The following DNAH14 variants were observed in gnomAD, a reference collection of about 807,000 sequenced individuals.
DNAH14 encodes the protein dynein axonemal heavy chain 14, also known as axonemal beta dynein heavy chain 14.
DNAH14 carries 478 observed loss-of-function variants against 520.9 expected under a neutral mutation model. That is an observed-to-expected ratio of 0.92 (90% CI 0.85 to 0.99). DNAH14 has a LOEUF of 0.99. Ranked by LOEUF, DNAH14 falls within the 50% of genes least tolerant of loss-of-function variation. The pLI is 0.00. For missense variants in DNAH14, 4,831 were observed against 5,234.5 expected (o/e 0.92, Z 2.38); for synonymous variants, 1,581 against 1,757.2 (o/e 0.90, Z 2.51).
chr1:225,193,873 C>G (rs1322417023), intron 38 of DNAH14, among the ~76,000 whole-genome samples: 1 of 152,032 alleles, frequency 6.6e-6, no homozygotes, highest in Non-Finnish European at 1.5e-5. Context: ...AATCAAGGCA[C>G]AAAAATTAGT....
intron 11 of DNAH14, among the ~76,000 whole-genome samples, chr1:225,034,427 T>C (rs917573003): frequency 3.3e-5 from 5 of 152,060 alleles, no homozygotes; most frequent in African/African-American, 1.2e-4. Flanking sequence ...TCATAGTGGA[T>C]TATTTTTTGA....
At chr1:225,312,537 A>G (rs991951785) in intron 60 of DNAH14, among the ~76,000 whole-genome samples, 3 of 152,158 alleles carry the variant, frequency 2.0e-5, no homozygotes, top group Non-Finnish European at 2.9e-5. Flanking sequence ...TTCAAAGGGA[A>G]TGCTTCCAGC....
chr1:224,936,201 A>G (rs2059024192), intron 1 of DNAH14, among the ~76,000 whole-genome samples: 1 of 151,848 alleles, frequency 6.6e-6, no homozygotes, highest in Admixed American at 6.6e-5. Flanking sequence ...AGTAGAAGAA[A>G]AGAAATAATA....
At chr1:225,357,556 T>C (rs1431608654) in intron 73 of DNAH14, among the ~76,000 whole-genome samples, 2 of 152,210 alleles carry the variant, frequency 1.3e-5, no homozygotes, top group African/African-American at 4.8e-5. Flanking sequence ...AACTCTGCTA[T>C]TAGACCTAGA....
At chr1:225,305,748 G>C (rs557371479) in intron 58 of DNAH14, among the ~76,000 whole-genome samples, 20 of 152,284 alleles carry the variant, frequency 1.3e-4, no homozygotes, top group Non-Finnish European at 2.5e-4. Flanking sequence ...GGGCTGCCGA[G>C]GCACCATGGT....
intron 21 of DNAH14, among the ~76,000 whole-genome samples, chr1:225,095,775 C>G (rs944722046): frequency 3.9e-5 from 6 of 152,020 alleles, no homozygotes; most frequent in African/African-American, 1.4e-4. Flanking sequence ...ATATAAAATT[C>G]TGGAAAATAC....
chr1:225,215,709 G>C (rs764979890), intron 41 of DNAH14, among the ~76,000 whole-genome samples: 5 of 152,056 alleles, frequency 3.3e-5, no homozygotes, highest in Admixed American at 6.5e-5. Context: ...TAGAGACTAG[G>C]ATTGCAACCC....
At chr1:225,210,982 A>C (rs963107635) in intron 41 of DNAH14, among the ~76,000 whole-genome samples, 6 of 151,732 alleles carry the variant, frequency 4.0e-5, no homozygotes, top group African/African-American at 9.7e-5. Context: ...AAGTCCACAC[A>C]GAAGCCTCAT....
Position 225,143,691 on chromosome 1 carries a change from T to G in DNAH14, c.4509-706T>G, listed in dbSNP as rs186663018. On this transcript the variant is annotated intron_variant, in intron 28 of 85. Coordinates refer to ENST00000682510, the MANE Select transcript of DNAH14 (RefSeq NM_001367479.1). ...CTAAACAATTAAAAATGTGTAGGAATGAGTTTTTGCTTGACAATGTTTTAA... is the reference window on the plus strand; with the variant it reads ...CTAAACAATTAAAAATGTGTAGGAAGGAGTTTTTGCTTGACAATGTTTTAA... Among the ~76,000 whole-genome samples the G allele has an allele frequency of 9.9e-5, 15 of 152,254 alleles. No individual in the cohort carries two copies. The East Asian group carries it at 2.9e-3, about 29-fold the overall frequency.
chr1:225,366,341 A>G (rs967001712), intron 76 of DNAH14, among the ~76,000 whole-genome samples: 1 of 152,232 alleles, frequency 6.6e-6, no homozygotes, highest in Admixed American at 6.5e-5. Flanking sequence ...CAAATAAATT[A>G]TGATGTATTT....
At chr1:225,098,972 A>G (rs1413116699) in intron 22 of DNAH14, among the ~76,000 whole-genome samples, 1 of 152,190 alleles carries the variant, frequency 6.6e-6, no homozygotes, top group African/African-American at 2.4e-5. Flanking sequence ...CCCTGATACC[A>G]GGGAGAAAGC....
At chr1:224,954,899 A>G in intron 2 of DNAH14, 60 bp from the exon 3 acceptor site, 5 of 1,355,062 alleles carry the variant, frequency 3.7e-6, no homozygotes, top group East Asian at 2.3e-5. Context: ...CTAATAGCTC[A>G]GTATTTTATT....
At chr1:225,240,534 A>G (rs924140704) in intron 42 of DNAH14, 59 bp from the exon 43 acceptor site, 23 of 1,036,896 alleles carry the variant, frequency 2.2e-5, no homozygotes, top group Non-Finnish European at 3.1e-5. Flanking sequence ...GTAAATTTCT[A>G]TTCTTAAACT....
At chr1:225,384,189 G>A (rs2095813075) in intron 81 of DNAH14, among the ~76,000 whole-genome samples, 1 of 152,174 alleles carries the variant, frequency 6.6e-6, no homozygotes, top group Non-Finnish European at 1.5e-5. Flanking sequence ...AGTGCGATGT[G>A]GTGCTGAGAA....
At chr1:225,217,641 C>T (rs2089554590) in intron 41 of DNAH14, among the ~76,000 whole-genome samples, 1 of 152,176 alleles carries the variant, frequency 6.6e-6, no homozygotes. Context: ...CCTTGCAGTT[C>T]GATCTCAGAC....
At chr1:225,093,534 T>A (rs1440645285) in intron 21 of DNAH14, among the ~76,000 whole-genome samples, 1 of 152,098 alleles carries the variant, frequency 6.6e-6, no homozygotes, top group Non-Finnish European at 1.5e-5. Flanking sequence ...TCATACTGTA[T>A]AAGCAAAAGC....
chr1:225,175,641 T>C (rs568366407), intron 36 of DNAH14, among the ~76,000 whole-genome samples: 3 of 151,844 alleles, frequency 2.0e-5, no homozygotes, highest in Non-Finnish European at 4.4e-5. Flanking sequence ...CTTTATTTTT[T>C]GGGTTTTGAT....
At chr1:225,279,420 A>G (rs1009410917) in intron 54 of DNAH14, among the ~76,000 whole-genome samples, 2 of 152,222 alleles carry the variant, frequency 1.3e-5, no homozygotes, top group African/African-American at 4.8e-5. Flanking sequence ...CTAGTCTAGC[A>G]TGTGGAGCTT....
chr1:225,026,362 T>C (rs2066120770), intron 11 of DNAH14, among the ~76,000 whole-genome samples: 1 of 152,130 alleles, frequency 6.6e-6, no homozygotes. Flanking sequence ...TTTACTCTTG[T>C]TTTTATCTAA....
Sources: gnomAD v4.1 joint callset for allele counts (sites outside exome capture counted in the v4.1 genomes callset) on GRCh38, gnomAD v4.1.1 for gene constraint, MANE v1.5 for transcripts, NCBI Gene and HGNC (gene_info 2026-07-23, HGNC 2026-07-21) for gene names.